The following ROBO1 variants were observed in gnomAD, a reference collection of about 807,000 sequenced individuals.
The protein encoded by ROBO1 is roundabout guidance receptor 1.
Under a neutral mutation model 195.9 loss-of-function variants are expected in ROBO1, and 149 were observed. That is an observed-to-expected ratio of 0.76 (90% CI 0.67 to 0.87). The LOEUF is 0.87. Ranked by LOEUF, ROBO1 falls within the 40% of genes least tolerant of loss-of-function variation. The pLI is 0.00. For missense variants in ROBO1, 1,933 were observed against 2,068.3 expected (o/e 0.93, Z 1.27); for synonymous variants, 816 against 733.2 (o/e 1.11, Z -1.82).
intron 4 of ROBO1, among the ~76,000 whole-genome samples, chr3:78,907,240 G>T (rs1463643567): frequency 3.9e-5 from 6 of 151,930 alleles, no homozygotes; most frequent in Non-Finnish European, 7.4e-5. Context: ...TTTTGACCTT[G>T]TTGGCCCCTG....
At position 78,657,268 on chromosome 3, in the gene ROBO1, A is replaced by G. The variant is rs772872195; in HGVS notation, c.2444T>C (p.Val815Ala). 3.7e-6 allele frequency: 6 copies of G among 1,613,250 alleles called. No homozygotes were observed. Among genetic ancestry groups the G allele is most frequent in the Non-Finnish European group, 4.2e-6 (5 of 1,179,616 alleles). ...TCGAGTTTCATTGCCCAGACACCAA[A>G]CCTGTAAGAAGCACATCACAAAAAT... ...TQNGMVQEYK[V>A]WCLGNETRYH... The change falls in exon 18 of 31, where the codon GTT becomes GCT. Residue 815 changes from valine (V) to alanine (A), a missense_variant and splice_region_variant. Transcript: ENST00000464233.
intron 4 of ROBO1, among the ~76,000 whole-genome samples, chr3:78,916,557 GAAAA>G (rs969858186): frequency 1.3e-5 from 1 of 74,154 alleles, no homozygotes; most frequent in African/African-American, 4.1e-5. Context: ...GTCTCAAAAA[GAAAA>G]AAAAAAAAAA....
At chr3:78,997,206 A>T (rs1359144226) in intron 3 of ROBO1, among the ~76,000 whole-genome samples, 9 of 152,174 alleles carry the variant, frequency 5.9e-5, no homozygotes, top group Non-Finnish European at 1.3e-4. Flanking sequence ...TTGCCAAAAG[A>T]AGGAATAAGC....
chr3:79,274,380 A>G (rs1389451325), intron 2 of ROBO1, among the ~76,000 whole-genome samples: 1 of 152,056 alleles, frequency 6.6e-6, no homozygotes, highest in Non-Finnish European at 1.5e-5. Flanking sequence ...CGGAAATTAA[A>G]CAATATGCTC....
intron 3 of ROBO1, among the ~76,000 whole-genome samples, chr3:79,125,047 A>T (rs181799833): frequency 6.6e-6 from 1 of 151,954 alleles, no homozygotes; most frequent in East Asian, 1.9e-4. Flanking sequence ...TTTTGTTTTT[A>T]AGACTACAAG....
intron 1 of ROBO1, among the ~76,000 whole-genome samples, chr3:79,668,093 TG>T (rs1323310557): frequency 6.6e-6 from 1 of 151,880 alleles, no homozygotes; most frequent in Non-Finnish European, 1.5e-5. Flanking sequence ...CAGGTGACAC[TG>T]ACAAAGTCTG....
intron 3 of ROBO1, among the ~76,000 whole-genome samples, chr3:79,007,245 C>A (rs193140147): frequency 8.5e-5 from 13 of 152,174 alleles, no homozygotes; most frequent in Admixed American, 7.2e-4. Context: ...GAGGATAAAA[C>A]CAAGGCCAGT....
intron 4 of ROBO1, among the ~76,000 whole-genome samples, chr3:78,868,917 C>T (rs1047713998): frequency 6.6e-6 from 1 of 151,984 alleles, no homozygotes; most frequent in African/African-American, 2.4e-5. Context: ...ACAAGAACAA[C>T]TTATGTCTGT....
intron 2 of ROBO1, among the ~76,000 whole-genome samples, chr3:79,449,959 G>C (rs896329530): frequency 6.6e-6 from 1 of 152,014 alleles, no homozygotes; most frequent in Non-Finnish European, 1.5e-5. Flanking sequence ...ACATACCCAA[G>C]AGTGACTTCA....
chr3:79,314,770 T>G (rs991952499), intron 2 of ROBO1, among the ~76,000 whole-genome samples: 50 of 152,180 alleles, frequency 3.3e-4, no homozygotes, highest in Admixed American at 2.9e-3. Flanking sequence ...TCTCACACAG[T>G]ATATGTTTTA....
chr3:79,411,707 A>T (rs1220914627), intron 2 of ROBO1, among the ~76,000 whole-genome samples: 1 of 152,190 alleles, frequency 6.6e-6, no homozygotes, highest in Non-Finnish European at 1.5e-5. Flanking sequence ...CTCTTGCAAT[A>T]ACATCTAGAA....
At chr3:79,694,690 T>G (rs545286556) in intron 1 of ROBO1, among the ~76,000 whole-genome samples, 37 of 151,950 alleles carry the variant, frequency 2.4e-4, no homozygotes, top group African/African-American at 8.7e-4. Context: ...TTACATCTTT[T>G]TAAAGCCATG....
chr3:79,373,417 C>T (rs1326382678), intron 2 of ROBO1, among the ~76,000 whole-genome samples: 1 of 152,146 alleles, frequency 6.6e-6, no homozygotes, highest in Non-Finnish European at 1.5e-5. Flanking sequence ...TTTTACAAGA[C>T]TTTGAAGACT....
At chr3:78,646,248 C>A in intron 20 of ROBO1, 58 bp from the exon 21 acceptor site, 1 of 1,471,788 alleles carries the variant, frequency 6.8e-7, no homozygotes, top group Non-Finnish European at 9.4e-7. Context: ...ATATCAAAAG[C>A]TATTACATTC....
chr3:79,309,825 C>G (rs566063040), intron 2 of ROBO1, among the ~76,000 whole-genome samples: 1 of 152,040 alleles, frequency 6.6e-6, no homozygotes, highest in South Asian at 2.1e-4. Context: ...ACAGATTGTG[C>G]CAAGAAAATT....
intron 1 of ROBO1, among the ~76,000 whole-genome samples, chr3:79,693,853 A>C (rs944620763): frequency 7.2e-5 from 11 of 151,806 alleles, no homozygotes; most frequent in African/African-American, 2.7e-4. Flanking sequence ...TAATTATCAA[A>C]TACCAACTTT....
chr3:78,661,958 T>A, intron 15 of ROBO1, 35 bp downstream of exon 15: 1 of 1,597,376 alleles, frequency 6.3e-7, no homozygotes, highest in Non-Finnish European at 8.5e-7. Flanking sequence ...CGCAGACGCT[T>A]ATTAAAACTG....
intron 3 of ROBO1, among the ~76,000 whole-genome samples, chr3:78,994,292 A>G (rs2077308160): frequency 6.6e-6 from 1 of 152,140 alleles, no homozygotes; most frequent in Non-Finnish European, 1.5e-5. Context: ...GTATCAGATT[A>G]CCCCAAGTAT....
rs557874678 is a variant in ROBO1, at chr3:78,602,702, T to A, written c.4745-2393A>T. ...CATTATTTTCATCATGCTGAATCAT[T>A]AATTTATATTTTTAATTCCTAAACT... On this transcript the variant is annotated intron_variant, in intron 29 of 30. Coordinates refer to ENST00000464233, the MANE Select transcript of ROBO1 (RefSeq NM_002941.4). 3.3e-5 allele frequency among the ~76,000 whole-genome samples: 5 copies of A among 152,248 alleles called. No homozygotes were observed. The South Asian group carries it at 1.0e-3, about 32-fold the overall frequency.
Sources: allele counts gnomAD v4.1 joint callset (sites outside exome capture counted in the v4.1 genomes callset), GRCh38; gene constraint gnomAD v4.1.1; transcripts MANE v1.5; gene names NCBI Gene and HGNC (gene_info 2026-07-23, HGNC 2026-07-21).